AEN: variants seen among roughly 807,000 people sequenced by gnomAD.
The protein encoded by AEN is apoptosis-enhancing nuclease.
Under a neutral mutation model 17.7 loss-of-function variants are expected in AEN, and 21 were observed. The observed-to-expected ratio is 1.19, with a 90% CI of 0.84 to 1.71. The LOEUF (loss-of-function observed/expected upper bound fraction) is 1.71, where lower values mean the gene tolerates loss of function less well. Among genes scored for constraint, AEN ranks in the 40% most tolerant of loss-of-function variants. The pLI is 0.00. For synonymous variants in AEN, 190 were observed against 173.0 expected, an observed-to-expected ratio of 1.10 and a Z score of -0.77; for missense variants, 462 against 435.9, an observed-to-expected ratio of 1.06 and a Z score of -0.53.
chr15:88,609,621 GGGGAGT>G, the AEN span, among the ~76,000 whole-genome samples: 1 of 152,164 alleles, frequency 6.6e-6, no homozygotes, highest in Non-Finnish European at 1.5e-5. Flanking sequence ...AATTAGAAGT[GGGGAGT>G]GGAAGTTGGT....
chr15:88,627,878 A>G (rs1179030677), intron 2 of AEN: 1 of 152,256 alleles, frequency 6.6e-6, no homozygotes, highest in Non-Finnish European at 1.5e-5. Flanking sequence ...TGCATTTTCT[A>G]AACAAGCCTT....
chr15:88,614,768 C>T, the AEN span, among the ~76,000 whole-genome samples: 1 of 152,198 alleles, frequency 6.6e-6, no homozygotes, highest in Non-Finnish European at 1.5e-5. Flanking sequence ...AAACTACTAA[C>T]ACCTGGGGAG....
At chr15:88,620,421 T>TCTTTC (rs373582229), upstream of AEN, among the ~76,000 whole-genome samples, 1,707 of 152,150 alleles carry the variant, frequency 0.011, 31 homozygotes, top group African/African-American at 0.037. Context: ...TTTCTTTCTT[T>TCTTTC]TTTTTTGAGA....
At chr15:88,618,178 C>G (rs140845903), upstream of AEN, among the ~76,000 whole-genome samples, 122 of 152,296 alleles carry the variant, frequency 8.0e-4, 2 homozygotes, top group Middle Eastern at 3.4e-3. Flanking sequence ...CAAAATCATC[C>G]TTTTAAATAA....
At chr15:88,608,206 A>G in the AEN span, 1 of 525,484 alleles carries the variant, frequency 1.9e-6, no homozygotes, top group Non-Finnish European at 4.0e-6. Context: ...CTGAGTGAGC[A>G]GGGTACACAG....
At chr15:88,607,718 T>C in the AEN span, among the ~76,000 whole-genome samples, 2 of 152,206 alleles carry the variant, frequency 1.3e-5, no homozygotes, top group African/African-American at 4.8e-5. Flanking sequence ...TGTTCTCTTC[T>C]TTTCTCTCCA....
Position 88,629,226 on chromosome 15 carries a change from A to T in AEN, c.541A>T (p.Ile181Phe). 1 of 1,613,790 alleles carries T rather than the reference A, an allele frequency of 6.2e-7. No individual in the cohort carries two copies. ...CCCTGACTCCTCTTTCTGCTCACAG[A>T]TCCTTAAGCTCCTGAAGGGCAAGGT... ...AVPFQVAQKE[I>F]LKLLKGKVVV... Residue 181 changes from isoleucine (I) to phenylalanine (F), a missense_variant and splice_region_variant, in exon 3 of 4, where the codon ATC (isoleucine) becomes TTC (phenylalanine). Transcript: ENST00000332810.
chr15:88,622,974 T>A (rs1432685806), intron 1 of AEN, among the ~76,000 whole-genome samples: 2 of 152,204 alleles, frequency 1.3e-5, no homozygotes, highest in African/African-American at 4.8e-5. Context: ...TCAGATAACT[T>A]AATTTCTGGC....
At chr15:88,615,273 G>A in the AEN span, among the ~76,000 whole-genome samples, 12 of 152,162 alleles carry the variant, frequency 7.9e-5, no homozygotes, top group African/African-American at 2.9e-4. Flanking sequence ...GCAAGGAACG[G>A]CAGAGAATAA....
At chr15:88,629,495 C>G (rs2057900219) in intron 3 of AEN, 69 bp downstream of exon 3, 1 of 1,557,172 alleles carries the variant, frequency 6.4e-7, no homozygotes, top group Admixed American at 1.8e-5. Context: ...GAGCCACAGA[C>G]AAGGCTTTGG....
At chr15:88,608,619 G>T in the AEN span, among the ~76,000 whole-genome samples, 81,944 of 152,094 alleles carry the variant, frequency 0.54, 24,112 homozygotes, top group African/African-American at 0.79. Flanking sequence ...ATCTCAGCTT[G>T]TGGATTCACT....
At chr15:88,614,532 G>C in the AEN span, among the ~76,000 whole-genome samples, 1 of 152,104 alleles carries the variant, frequency 6.6e-6, no homozygotes, top group Non-Finnish European at 1.5e-5. Context: ...AACTTTATTG[G>C]AGTCTCAACA....
the AEN span, among the ~76,000 whole-genome samples, chr15:88,613,013 C>A: frequency 6.6e-6 from 1 of 152,180 alleles, no homozygotes; most frequent in Admixed American, 6.5e-5. Context: ...GCAACAAATC[C>A]AAATGCCCTC....
chr15:88,616,478 C>T (rs2057739451), upstream of AEN, among the ~76,000 whole-genome samples: 1 of 152,114 alleles, frequency 6.6e-6, no homozygotes, highest in Non-Finnish European at 1.5e-5. Context: ...AAGAGCCTTG[C>T]CAAAAGTCAC....
chr15:88,616,162 C>T, the AEN span, among the ~76,000 whole-genome samples: 1 of 151,732 alleles, frequency 6.6e-6, no homozygotes, highest in African/African-American at 2.4e-5. Flanking sequence ...GGCGCCATCT[C>T]GGCTCACTGC....
the AEN span, among the ~76,000 whole-genome samples, chr15:88,612,571 TTTTATTTATTTATTTA>T: frequency 0.095 from 13,292 of 140,466 alleles, 669 homozygotes; most frequent in African/African-American, 0.12. Flanking sequence ...TTTCCCAGCC[TTTTATTTATTTATTTA>T]TTTATTTATT....
intron 2 of AEN, 79 bp from the exon 3 acceptor site, chr15:88,629,147 C>T: frequency 6.4e-6 from 9 of 1,415,100 alleles, no homozygotes; most frequent in Non-Finnish European, 8.9e-6. Flanking sequence ...CATCTATTGG[C>T]CAGGGGTTCT....
At chr15:88,619,708 CAAAA>C (rs1254720335), upstream of AEN, among the ~76,000 whole-genome samples, 2 of 151,496 alleles carry the variant, frequency 1.3e-5, no homozygotes, top group Non-Finnish European at 2.9e-5. Context: ...ACAAACAAAA[CAAAA>C]AAAACTCTCC....
chr15:88,618,470 T>A (rs773082075), upstream of AEN, among the ~76,000 whole-genome samples: 7 of 152,230 alleles, frequency 4.6e-5, no homozygotes, highest in African/African-American at 1.7e-4. Flanking sequence ...GTAGTACATA[T>A]GATTAAAATA....
Sources: gnomAD v4.1 joint callset for allele counts (sites outside exome capture counted in the v4.1 genomes callset) on GRCh38, gnomAD v4.1.1 for gene constraint, MANE v1.5 for transcripts, NCBI Gene and HGNC (gene_info 2026-07-23, HGNC 2026-07-21) for gene names.